COMMD10: variants seen among roughly 807,000 people sequenced by gnomAD.
COMMD10 encodes the protein COMM domain containing 10, also known as COMM domain-containing protein 10.
Under a neutral mutation model 28.9 loss-of-function variants are expected in COMMD10, and 33 were observed. The ratio of observed to expected loss-of-function variants is 1.14; its 90% CI spans 0.87 to 1.53. The LOEUF (loss-of-function observed/expected upper bound fraction) is 1.53. Ranked by LOEUF, COMMD10 falls within the 40% of genes most tolerant of loss-of-function variation. The pLI is 0.00. For missense variants in COMMD10, 310 were observed against 233.4 expected (o/e 1.33, Z -2.14); for synonymous variants, 110 against 81.7 (o/e 1.35, Z -1.87).
chr5:116,244,991 A>T (rs1288461013), intron 5 of COMMD10, among the ~76,000 whole-genome samples: 4 of 152,072 alleles, frequency 2.6e-5, no homozygotes, highest in Non-Finnish European at 5.9e-5. Flanking sequence ...ATCAGAGCTG[A>T]ATTGAAGGAG....
At chr5:116,247,727 A>G (rs1176600976) in intron 5 of COMMD10, among the ~76,000 whole-genome samples, 3 of 152,032 alleles carry the variant, frequency 2.0e-5, no homozygotes, top group African/African-American at 4.8e-5. Flanking sequence ...AGCAACAACC[A>G]CATGTTCTCC....
At chr5:116,145,703 A>G (rs572541632) in intron 5 of COMMD10, among the ~76,000 whole-genome samples, 1 of 151,972 alleles carries the variant, frequency 6.6e-6, no homozygotes, top group East Asian at 1.9e-4. Flanking sequence ...AGGTGGAGGT[A>G]GTTGAATCAT....
chr5:116,241,905 C>A (rs888875371), intron 5 of COMMD10, among the ~76,000 whole-genome samples: 3 of 152,166 alleles, frequency 2.0e-5, no homozygotes, highest in Non-Finnish European at 2.9e-5. Context: ...GCGTGAGCCA[C>A]CACGCCCAGC....
intron 5 of COMMD10, among the ~76,000 whole-genome samples, chr5:116,224,581 C>CTT (rs1749344912): frequency 6.6e-6 from 1 of 152,124 alleles, no homozygotes; most frequent in Non-Finnish European, 1.5e-5. Flanking sequence ...GTGCCGCACT[C>CTT]TTTTAAACAA....
At chr5:116,130,682 ACT>A (rs1216709210) in intron 4 of COMMD10, among the ~76,000 whole-genome samples, 1 of 151,868 alleles carries the variant, frequency 6.6e-6, no homozygotes, top group Admixed American at 6.6e-5. Flanking sequence ...TTAAGTGGCG[ACT>A]CTAATTTGTC....
intron 5 of COMMD10, among the ~76,000 whole-genome samples, chr5:116,278,193 T>C (rs565856350): frequency 1.3e-5 from 2 of 151,802 alleles, no homozygotes; most frequent in Non-Finnish European, 2.9e-5. Flanking sequence ...TAGTATTGAG[T>C]ACAGAAAAAG....
intron 5 of COMMD10, among the ~76,000 whole-genome samples, chr5:116,241,946 T>G (rs1280538570): frequency 6.6e-6 from 1 of 152,142 alleles, no homozygotes; most frequent in African/African-American, 2.4e-5. Context: ...CTGAATAAAT[T>G]TAACCTCTCA....
At chr5:116,269,223 T>A (rs1307300293) in intron 5 of COMMD10, among the ~76,000 whole-genome samples, 1 of 151,930 alleles carries the variant, frequency 6.6e-6, no homozygotes, top group Non-Finnish European at 1.5e-5. Flanking sequence ...AAGTACTCTT[T>A]ATTATACACT....
intron 5 of COMMD10, among the ~76,000 whole-genome samples, chr5:116,285,500 A>G (rs1751195387): frequency 2.0e-5 from 3 of 152,046 alleles, no homozygotes; most frequent in South Asian, 4.1e-4. Context: ...TGAAACACTT[A>G]CCACTGCTGT....
intron 5 of COMMD10, among the ~76,000 whole-genome samples, chr5:116,198,065 A>G (rs2112620182): frequency 6.6e-6 from 1 of 152,210 alleles, no homozygotes; most frequent in South Asian, 2.1e-4. Flanking sequence ...TACACACTTC[A>G]CACATAATTT....
intron 1 of COMMD10, 100 bp from the exon 2 acceptor site, chr5:116,087,397 G>A: frequency 1.4e-6 from 1 of 730,812 alleles, no homozygotes; most frequent in Middle Eastern, 2.6e-4. Flanking sequence ...TTACCATATA[G>A]CATTCAGAGT....
intron 5 of COMMD10, among the ~76,000 whole-genome samples, chr5:116,163,529 C>T (rs928792811): frequency 3.3e-5 from 5 of 151,350 alleles, no homozygotes; most frequent in East Asian, 3.9e-4. Context: ...GTAGAGGTTT[C>T]GGTGAGCCAA....
At chr5:116,179,955 A>G (rs900792622) in intron 5 of COMMD10, among the ~76,000 whole-genome samples, 5 of 152,082 alleles carry the variant, frequency 3.3e-5, no homozygotes, top group African/African-American at 1.2e-4. Context: ...GCAGAATGCT[A>G]TTTCCATGGA....
intron 4 of COMMD10, among the ~76,000 whole-genome samples, chr5:116,099,224 T>C (rs191035285): frequency 1.3e-5 from 2 of 152,332 alleles, no homozygotes; most frequent in Admixed American, 1.3e-4. Context: ...ATACAGTGTT[T>C]TGTCTTTCTG....
intron 5 of COMMD10, among the ~76,000 whole-genome samples, chr5:116,257,815 C>G (rs1363273832): frequency 1.3e-5 from 2 of 151,470 alleles, no homozygotes; most frequent in African/African-American, 4.9e-5. Flanking sequence ...ATATGTGGAC[C>G]ACTTTGTATA....
At chr5:116,107,970 A>C (rs1283145000) in intron 4 of COMMD10, among the ~76,000 whole-genome samples, 1 of 152,212 alleles carries the variant, frequency 6.6e-6, no homozygotes, top group African/African-American at 2.4e-5. Flanking sequence ...TGTCCACTCC[A>C]GACCCTGTTT....
chr5:116,188,952 G>A (rs980486875), intron 5 of COMMD10, among the ~76,000 whole-genome samples: 1 of 152,130 alleles, frequency 6.6e-6, no homozygotes, highest in African/African-American at 2.4e-5. Context: ...ATTAATGAAG[G>A]TTGTGCTATC....
intron 5 of COMMD10, among the ~76,000 whole-genome samples, chr5:116,192,500 A>G (rs1336485624): frequency 1.1e-4 from 17 of 152,174 alleles, no homozygotes; most frequent in Admixed American, 9.2e-4. Context: ...GAAACTTTGG[A>G]CAAACTTATA....
chr5:116,187,744 CT>C (rs1748189383), intron 5 of COMMD10, among the ~76,000 whole-genome samples: 1 of 151,960 alleles, frequency 6.6e-6, no homozygotes, highest in South Asian at 2.1e-4. Flanking sequence ...TAATTAAATT[CT>C]TTTTTTAACC....
Sources: gnomAD v4.1 joint callset for allele counts (sites outside exome capture counted in the v4.1 genomes callset) on GRCh38, gnomAD v4.1.1 for gene constraint, MANE v1.5 for transcripts, NCBI Gene and HGNC (gene_info 2026-07-23, HGNC 2026-07-21) for gene names.